DESI2: variants seen among roughly 807,000 people sequenced by gnomAD.
The protein encoded by DESI2 is desumoylating isopeptidase 2.
DESI2 carries 10 observed loss-of-function variants against 24.1 expected under a neutral mutation model. That is an observed-to-expected ratio of 0.41 (90% CI 0.26 to 0.70). The LOEUF is 0.70. Among genes scored for constraint, DESI2 ranks in the 30% least tolerant of loss-of-function variants. The probability of loss-of-function intolerance (pLI) is 0.29; values close to 1 mark genes in which losing one functional copy is unlikely to be tolerated. For missense variants in DESI2, 122 were observed against 234.9 expected (o/e 0.52, Z 3.14); for synonymous variants, 71 against 87.7 (o/e 0.81, Z 1.06).
At chr1:244,663,658 C>T (rs113343038) in intron 1 of DESI2, among the ~76,000 whole-genome samples, 1 of 152,078 alleles carries the variant, frequency 6.6e-6, no homozygotes, top group East Asian at 1.9e-4. Flanking sequence ...TATAGCTTCT[C>T]CAGTTGTCAT....
chr1:244,665,322 A>G (rs1387235895), intron 1 of DESI2, among the ~76,000 whole-genome samples: 1 of 152,164 alleles, frequency 6.6e-6, no homozygotes, highest in East Asian at 1.9e-4. Context: ...AGCTCTTAAC[A>G]CTAAAATCTG....
At chr1:244,657,195 C>G (rs1109648) in intron 1 of DESI2, among the ~76,000 whole-genome samples, 60,791 of 152,152 alleles carry the variant, frequency 0.4, 13,829 homozygotes, top group Middle Eastern at 0.51. Context: ...TCTTTTGACG[C>G]CTGTCTCCAT....
intron 1 of DESI2, among the ~76,000 whole-genome samples, chr1:244,659,210 A>G (rs762649173): frequency 7.9e-5 from 12 of 151,784 alleles, no homozygotes; most frequent in Admixed American, 2.6e-4. Flanking sequence ...GGGTGGGGGA[A>G]GCTAGTATGT....
chr1:244,695,834 AATGTGAT>A (rs1211011883), intron 4 of DESI2, among the ~76,000 whole-genome samples: 2 of 152,186 alleles, frequency 1.3e-5, no homozygotes, highest in African/African-American at 2.4e-5. Flanking sequence ...GGGGTGCAGT[AATGTGAT>A]CATAGTTCAT....
intron 1 of DESI2, among the ~76,000 whole-genome samples, chr1:244,683,706 C>A (rs1289108204): frequency 6.6e-6 from 1 of 151,786 alleles, no homozygotes; most frequent in Non-Finnish European, 1.5e-5. Context: ...AAGAGCATCA[C>A]ACCTGCCCCA....
At chr1:244,691,736 A>C (rs1235115363) in intron 3 of DESI2, 143 bp from the exon 4 acceptor site, 2 of 624,768 alleles carry the variant, frequency 3.2e-6, no homozygotes, top group Non-Finnish European at 5.2e-6. Context: ...TTTCACTTTT[A>C]GTCTTGTTAT....
At chr1:244,698,870 C>G (rs1414533500) in intron 4 of DESI2, among the ~76,000 whole-genome samples, 2 of 152,214 alleles carry the variant, frequency 1.3e-5, no homozygotes, top group African/African-American at 2.4e-5. Context: ...TTCTGTATTT[C>G]TGATACAGGG....
In DESI2 at chr1:244,689,107, A is replaced by G. The variant is rs1351516295; in HGVS notation, c.116-142A>G. 1.6e-6 allele frequency: 1 copy of G among 644,328 alleles called. No homozygotes were observed. Among genetic ancestry groups the G allele is most frequent in the Non-Finnish European group, 2.8e-6 (1 of 353,322 alleles). The allele number at this position is 644,328 out of a possible 1,614,324, so 39.9% of individuals were successfully genotyped here. On this transcript the variant is annotated intron_variant, in intron 2 of 4. Coordinates refer to ENST00000302550, the MANE Select transcript of DESI2 (RefSeq NM_016076.5). This position sits in a 1 kb window ranked among gnomAD's most constrained non-coding sequence, Gnocchi z 4.0. ...CAACTGTTTATACGAGTAATAGCTA[A>G]GTGAGATATTTGTGAAAGCATTTTA...
rs1677721880 is a variant in DESI2 at position 244,706,709 on chromosome 1, G to A, written c.*920G>A. On this transcript the variant is annotated 3_prime_UTR_variant, in exon 5 of 5. Coordinates refer to ENST00000302550, the MANE Select transcript of DESI2 (RefSeq NM_016076.5). ...ACATTCAGCTGCTTTTAACTATTCA[G>A]GCTACCTTTTATACTAAACCTTGAA... 2 of 152,422 alleles carry A rather than the reference G, an allele frequency of 1.3e-5. No individual in the cohort carries two copies. The highest frequency in any genetic ancestry group is 3.8e-4 in the East Asian group (2 of 5,198). 9.4% of individuals were successfully genotyped at this position (152,422 alleles called of 1,614,324 possible). A position where few individuals can be genotyped will look rare whatever the true frequency, so the allele number is the denominator to read the frequency against.
chr1:244,661,149 A>G (rs577034847), intron 1 of DESI2, among the ~76,000 whole-genome samples: 1 of 152,322 alleles, frequency 6.6e-6, no homozygotes, highest in East Asian at 1.9e-4. Context: ...CTGAGACTCT[A>G]TACCCACTAA....
chr1:244,669,960 T>TAA (rs1361192201), intron 1 of DESI2, among the ~76,000 whole-genome samples: 2 of 69,846 alleles, frequency 2.9e-5, no homozygotes, highest in Non-Finnish European at 7.4e-5. Flanking sequence ...ATATAAATAA[T>TAA]TCTTTTTTTT....
At chr1:244,671,175 T>C (rs2148791642) in intron 1 of DESI2, among the ~76,000 whole-genome samples, 1 of 152,348 alleles carries the variant, frequency 6.6e-6, no homozygotes, top group Middle Eastern at 3.4e-3. Flanking sequence ...TTTGGTATGT[T>C]AGGAAGGGTT....
At chr1:244,681,453 G>A (rs113590154) in intron 1 of DESI2, among the ~76,000 whole-genome samples, 204 of 151,804 alleles carry the variant, frequency 1.3e-3, no homozygotes, top group African/African-American at 4.8e-3. Flanking sequence ...TGGCATCAGG[G>A]ACTAGTTTCG....
At chr1:244,661,504 C>T (rs1023140030) in intron 1 of DESI2, among the ~76,000 whole-genome samples, 1 of 152,042 alleles carries the variant, frequency 6.6e-6, no homozygotes, top group African/African-American at 2.4e-5. Context: ...TGGTGTGCTG[C>T]ACCCATTAAC....
chr1:244,690,886 A>G (rs1052238955), intron 3 of DESI2, among the ~76,000 whole-genome samples: 1 of 152,214 alleles, frequency 6.6e-6, no homozygotes, highest in Non-Finnish European at 1.5e-5. Flanking sequence ...CTCTTAGCCT[A>G]TCACTGAATT....
At chr1:244,680,885 GC>G (rs1676586631) in intron 1 of DESI2, among the ~76,000 whole-genome samples, 1 of 150,282 alleles carries the variant, frequency 6.7e-6, no homozygotes, top group Admixed American at 6.6e-5. Flanking sequence ...GCCTAATTTT[GC>G]CCTTTCGTCT....
chr1:244,689,050 C>A lies in DESI2; in HGVS notation c.116-199C>A, dbSNP rs1676925235. Reference sequence around the variant, plus strand: ...GGCAGGCAAGAATATCTTTGAGTGTCTTCTGTTATTTGAGTTTCGGGTCTT... The same window carrying A: ...GGCAGGCAAGAATATCTTTGAGTGTATTCTGTTATTTGAGTTTCGGGTCTT... On this transcript the variant is annotated intron_variant, in intron 2 of 4. Coordinates refer to ENST00000302550, the MANE Select transcript of DESI2 (RefSeq NM_016076.5). This position sits in a 1 kb window ranked among gnomAD's most constrained non-coding sequence, Gnocchi z 4.0. Among the ~76,000 whole-genome samples, 1 of 152,150 alleles carries A rather than the reference C, an allele frequency of 6.6e-6. No homozygotes were observed. Among genetic ancestry groups the A allele is most frequent in the Non-Finnish European group, 1.5e-5 (1 of 68,034 alleles).
intron 4 of DESI2, among the ~76,000 whole-genome samples, chr1:244,704,406 C>T (rs1677609000): frequency 1.3e-5 from 2 of 152,094 alleles, no homozygotes; most frequent in Non-Finnish European, 2.9e-5. Context: ...AAGTTAGGGG[C>T]ACAGAATAGA....
Position 244,706,672 on chromosome 1 carries a change from A to G in DESI2, c.*883A>G, listed in dbSNP as rs1455173460. The G allele has an allele frequency of 6.6e-6, 1 of 152,626 alleles. No homozygotes were observed. Among genetic ancestry groups the G allele is most frequent in the African/African-American group, 2.4e-5 (1 of 41,444 alleles). The allele number at this position is 152,626 out of a possible 1,614,324, so 9.5% of individuals were successfully genotyped here. A position where few individuals can be genotyped will look rare whatever the true frequency, so the allele number is the denominator to read the frequency against. On this transcript the variant is annotated 3_prime_UTR_variant, in exon 5 of 5. Transcript: ENST00000302550. ...TATCCTAAGTGGTAGCCTTCCAAGT[A>G]GCAGTGAGTTGACATTCAGCTGCTT...
Sources: gnomAD v4.1 joint callset for allele counts (sites outside exome capture counted in the v4.1 genomes callset) on GRCh38, gnomAD v4.1.1 for gene constraint, Gnocchi (gnomAD v3.1) non-coding constraint, MANE v1.5 for transcripts, NCBI Gene and HGNC (gene_info 2026-07-23, HGNC 2026-07-21) for gene names.